MYOM2: variants seen among roughly 807,000 people sequenced by gnomAD.
MYOM2 encodes the protein myomesin 2, also known as myomesin-2.
MYOM2 carries 254 observed loss-of-function variants against 187.6 expected under a neutral mutation model. The observed-to-expected ratio is 1.35, with a 90% CI of 1.22 to 1.50. The LOEUF (loss-of-function observed/expected upper bound fraction) is 1.50, where lower values mean the gene tolerates loss of function less well. Among genes scored for constraint, MYOM2 ranks in the 40% most tolerant of loss-of-function variants. MYOM2 has a pLI of 0.00. For synonymous variants in MYOM2, 981 were observed against 753.8 expected (o/e 1.30, Z -4.94); for missense variants, 2,796 against 1,924.0 (o/e 1.45, Z -8.48).
At chr8:2,130,797 C>G (rs1797837841) in intron 32 of MYOM2, among the ~76,000 whole-genome samples, 1 of 152,128 alleles carries the variant, frequency 6.6e-6, no homozygotes, top group South Asian at 2.1e-4. Context: ...CAGGAGCTTA[C>G]AGGACTAGAA....
intron 17 of MYOM2, among the ~76,000 whole-genome samples, chr8:2,094,686 C>G (rs976779062): frequency 6.6e-6 from 1 of 152,188 alleles, no homozygotes; most frequent in African/African-American, 2.4e-5. Flanking sequence ...ATACATTTCT[C>G]TTTTCAAAAT....
Position 2,048,993 on chromosome 8 carries a change from A to G in MYOM2, c.-12-1762A>G, listed in dbSNP as rs1310528542. On this transcript the variant is annotated intron_variant, in intron 1 of 36. Coordinates refer to ENST00000262113, the MANE Select transcript of MYOM2 (RefSeq NM_003970.4). Reference sequence around the variant, plus strand: ...TTTTTAGTAGAGACGGGGTTTCACCATCTTAGCCAGGGTAGTCTCAATCTC... The same window carrying G: ...TTTTTAGTAGAGACGGGGTTTCACCGTCTTAGCCAGGGTAGTCTCAATCTC... Among the ~76,000 whole-genome samples the G allele has an allele frequency of 3.9e-5, 6 of 151,982 alleles. No individual in the cohort carries two copies. The East Asian group carries it at 9.7e-4, about 25-fold the overall frequency.
chr8:2,109,358 A>T (rs754569401), intron 24 of MYOM2, 37 bp from the exon 25 acceptor site: 2 of 1,567,682 alleles, frequency 1.3e-6, no homozygotes, highest in Non-Finnish European at 1.7e-6. Flanking sequence ...ACAAGGATTC[A>T]TGCATTATTG....
intron 32 of MYOM2, among the ~76,000 whole-genome samples, chr8:2,138,717 A>G (rs1798168252): frequency 1.3e-5 from 2 of 152,194 alleles, no homozygotes; most frequent in South Asian, 2.1e-4. Flanking sequence ...GTTATGTTCC[A>G]AAGTCGCTTC....
intron 6 of MYOM2, among the ~76,000 whole-genome samples, chr8:2,066,451 G>C (rs1563424908): frequency 6.6e-6 from 1 of 152,196 alleles, no homozygotes; most frequent in Non-Finnish European, 1.5e-5. Flanking sequence ...TTGCTAGTGG[G>C]GGTGGGATCG....
chr8:2,130,764 C>T (rs150107035), intron 32 of MYOM2, among the ~76,000 whole-genome samples: 1 of 152,088 alleles, frequency 6.6e-6, no homozygotes, highest in Non-Finnish European at 1.5e-5. Flanking sequence ...AAGGCAGGGT[C>T]TTTTTTTAAA....
intron 32 of MYOM2, among the ~76,000 whole-genome samples, chr8:2,133,038 G>T (rs1353060042): frequency 6.6e-6 from 1 of 152,192 alleles, no homozygotes; most frequent in Non-Finnish European, 1.5e-5. Context: ...GTGCCTTGCG[G>T]TCCTGGCCTG....
intron 18 of MYOM2, chr8:2,097,122 G>A (rs1159892001): frequency 4.1e-6 from 4 of 982,140 alleles, no homozygotes; most frequent in Admixed American, 6.1e-5. Context: ...CACTCCAACA[G>A]GAGGGCTTTC....
intron 14 of MYOM2, among the ~76,000 whole-genome samples, chr8:2,088,991 G>A (rs1487843067): frequency 1.1e-4 from 17 of 151,994 alleles, no homozygotes; most frequent in Admixed American, 1.1e-3. Flanking sequence ...GGCCCATGAC[G>A]CCCTGGGGGC....
At chr8:2,135,579 C>A in intron 32 of MYOM2, among the ~76,000 whole-genome samples, 1 of 152,150 alleles carries the variant, frequency 6.6e-6, no homozygotes, top group African/African-American at 2.4e-5. Context: ...CTGCTGGTTG[C>A]TTTAGCACGA....
rs1237571373 is a variant in MYOM2, at chr8:2,059,136, A to G, written c.561-17A>G. ...ACAACTCTGCCTTTAAACTAAAAAC[A>G]TGCCTCCCTCATTTAGGTACAAAGA... On this transcript the variant is annotated splice_polypyrimidine_tract_variant and intron_variant, in intron 5 of 36. Transcript: ENST00000262113. The G allele has an allele frequency of 2.5e-6, 4 of 1,611,412 alleles. No homozygotes were observed. In the African/African-American group the frequency reaches 4.0e-5, roughly 16 times the overall value.
chr8:2,050,867 C>G lies in MYOM2; in HGVS notation c.101C>G (p.Ser34Ter). The change falls in exon 2 of 37, where the codon TCA becomes TGA. Residue 34 changes from serine to a stop codon, truncating the protein, a stop_gained. Transcript: ENST00000262113. LOFTEE classifies it high-confidence loss of function. ...CGGTACCTGCTGGACGAATATGCGTCAAAAAAGTAAGCTGACATTCGCTGA... is the reference window on the plus strand; with the variant it reads ...CGGTACCTGCTGGACGAATATGCGTGAAAAAAGTAAGCTGACATTCGCTGA... ...QTRYLLDEYA[S>*]KKRASTQASS... 1.9e-6 allele frequency: 3 copies of G among 1,608,180 alleles called. No individual in the cohort carries two copies. Among genetic ancestry groups the G allele is most frequent in the Non-Finnish European group, 2.6e-6 (3 of 1,175,032 alleles).
intron 28 of MYOM2, chr8:2,119,371 C>G (rs1009504628): frequency 9.8e-5 from 15 of 152,394 alleles, no homozygotes; most frequent in African/African-American, 3.6e-4. Context: ...AGCAGAAACC[C>G]TCAGAGAGTT....
At chr8:2,058,141 C>G (rs766689990) in intron 5 of MYOM2, among the ~76,000 whole-genome samples, 5 of 151,174 alleles carry the variant, frequency 3.3e-5, no homozygotes, top group African/African-American at 9.7e-5. Context: ...GCCTCAGCCT[C>G]CTGAGTAGCT....
At chr8:2,102,566 A>C in intron 20 of MYOM2, 101 bp from the exon 21 acceptor site, 1 of 670,678 alleles carries the variant, frequency 1.5e-6, no homozygotes, top group South Asian at 2.4e-5. Context: ...TGGAAAAATA[A>C]GCTATTTTTG....
intron 13 of MYOM2, among the ~76,000 whole-genome samples, chr8:2,082,340 A>C (rs1388942761): frequency 2.0e-5 from 3 of 152,212 alleles, no homozygotes; most frequent in Admixed American, 6.5e-5. Context: ...TTCGGGATTC[A>C]AGAATTTGCT....
Position 2,121,328 on chromosome 8 carries a change from G to T in MYOM2, c.3454-1924G>T, listed in dbSNP as rs141940590. ...GTTCTGACCGTGCCATACAAGGTGTGTGTGCACTCCCAAGGCCAGTGGCGA... is the reference window on the plus strand; with the variant it reads ...GTTCTGACCGTGCCATACAAGGTGTTTGTGCACTCCCAAGGCCAGTGGCGA... On this transcript the variant is annotated intron_variant, in intron 28 of 36. Coordinates refer to ENST00000262113, the MANE Select transcript of MYOM2 (RefSeq NM_003970.4). Among the ~76,000 whole-genome samples, 356 of 152,244 alleles carry T rather than the reference G, an allele frequency of 2.3e-3. 1 individual carries two copies. Among genetic ancestry groups the T allele is most frequent in the African/African-American group, 7.7e-3 (321 of 41,542 alleles).
intron 6 of MYOM2, among the ~76,000 whole-genome samples, chr8:2,061,112 A>G (rs138617215): frequency 1.2e-3 from 187 of 152,078 alleles, no homozygotes; most frequent in African/African-American, 4.4e-3. Context: ...TGGGATTCTT[A>G]CTGTTGAGGG....
chr8:2,071,631 C>G (rs1180344690), intron 8 of MYOM2, among the ~76,000 whole-genome samples: 1 of 152,220 alleles, frequency 6.6e-6, no homozygotes, highest in East Asian at 1.9e-4. Context: ...AGCCCTGCCT[C>G]TGACGACACC....
Sources: allele counts gnomAD v4.1 joint callset (sites outside exome capture counted in the v4.1 genomes callset), GRCh38; gene constraint gnomAD v4.1.1; transcripts MANE v1.5; gene names NCBI Gene and HGNC (gene_info 2026-07-23, HGNC 2026-07-21).